The following FRAS1 variants were observed in gnomAD, a reference collection of about 807,000 sequenced individuals.
FRAS1 encodes Fraser extracellular matrix complex subunit 1.
In FRAS1, 290 loss-of-function variants were observed where a neutral mutation model predicts 435.2. That is an observed-to-expected ratio of 0.67 (90% confidence interval 0.61 to 0.73). The LOEUF (loss-of-function observed/expected upper bound fraction) is 0.73. Among genes scored for constraint, FRAS1 ranks in the 30% least tolerant of loss-of-function variants. FRAS1 has a pLI of 0.00. For missense variants in FRAS1, 4,860 were observed against 5,001.5 expected, an observed-to-expected ratio of 0.97 and a Z score of 0.85; for synonymous variants, 1,800 against 1,851.0, an observed-to-expected ratio of 0.97 and a Z score of 0.71.
At chr4:78,522,891 T>G in intron 69 of FRAS1, 83 bp downstream of exon 69, 1 of 1,197,494 alleles carries the variant, frequency 8.4e-7, no homozygotes, top group Non-Finnish European at 1.1e-6. Context: ...AGTGCTTTCC[T>G]CTGAAGGCTA....
chr4:78,260,110 G>C lies in FRAS1; in HGVS notation c.603+4735G>C, dbSNP rs1469300578. On this transcript the variant is annotated intron_variant, in intron 6 of 73. Transcript: ENST00000512123. ...ATGCTGTTTTGGTTACTGTAGCCTTGTAGTATAGTTTGAAGTCAGGTAGTG... is the reference window on the plus strand; with the variant it reads ...ATGCTGTTTTGGTTACTGTAGCCTTCTAGTATAGTTTGAAGTCAGGTAGTG... Among the ~76,000 whole-genome samples, 13 of 152,076 alleles carry C rather than the reference G, an allele frequency of 8.5e-5. No individual in the cohort carries two copies. The South Asian group carries it at 1.7e-3, about 19-fold the overall frequency.
intron 56 of FRAS1, 122 bp downstream of exon 56, chr4:78,479,840 T>A (rs1719958881): frequency 1.4e-6 from 1 of 735,972 alleles, no homozygotes. Context: ...GGGATACCAC[T>A]GTTGGTCTAA....
rs1181599071 is a variant in FRAS1 at position 78,359,990 on chromosome 4, T to A, written c.2423-3523T>A. Among the ~76,000 whole-genome samples the A allele has an allele frequency of 2.6e-5, 4 of 152,310 alleles. 1 individual carries two copies. The East Asian group carries it at 7.7e-4, about 29-fold the overall frequency. On this transcript the variant is annotated intron_variant, in intron 20 of 73. Coordinates refer to ENST00000512123, the MANE Select transcript of FRAS1 (RefSeq NM_025074.7). ...CCAACTCTTCAGACCTTTCCATTGATTTCTGGCATCTGTGTACCCAAATCT... is the reference window on the plus strand; with the variant it reads ...CCAACTCTTCAGACCTTTCCATTGAATTCTGGCATCTGTGTACCCAAATCT...
chr4:78,377,935 A>G (rs1266887496), intron 26 of FRAS1, among the ~76,000 whole-genome samples: 1 of 151,566 alleles, frequency 6.6e-6, no homozygotes, highest in Non-Finnish European at 1.5e-5. Flanking sequence ...TAATTTACAT[A>G]CCATAAAATT....
intron 69 of FRAS1, among the ~76,000 whole-genome samples, chr4:78,524,368 A>G (rs1183783880): frequency 1.3e-5 from 2 of 152,230 alleles, no homozygotes; most frequent in African/African-American, 2.4e-5. Flanking sequence ...TGTGAGAGAT[A>G]CAGGATAATA....
chr4:78,507,381 A>G, intron 61 of FRAS1, 40 bp from the exon 62 acceptor site: 1 of 1,563,464 alleles, frequency 6.4e-7, no homozygotes, highest in Non-Finnish European at 8.7e-7. Flanking sequence ...GTGTTTCCTA[A>G]TGAAGCCTTT....
Position 78,466,252 on chromosome 4 carries a change from C to A in FRAS1, c.7074C>A (p.Gly2358=), listed in dbSNP as rs7660641. ...CCATCGTGCAGCCTCCACGCCATGGCACCATCGAGCGAACCAGCAATGGGC... is the reference window on the plus strand; with the variant it reads ...CCATCGTGCAGCCTCCACGCCATGGAACCATCGAGCGAACCAGCAATGGGC... ...TFTIVQPPRH[G]TIERTSNGQH... is the part of the protein sequence containing the mutation. Residue 2358 remains glycine, a synonymous_variant, in exon 50 of 74, where the codon GGC becomes GGA. Transcript: ENST00000512123. 9 of 1,613,812 alleles carry A rather than the reference C, an allele frequency of 5.6e-6. No individual in the cohort carries two copies. Among genetic ancestry groups the A allele is most frequent in the Non-Finnish European group, 7.6e-6 (9 of 1,179,862 alleles).
intron 18 of FRAS1, among the ~76,000 whole-genome samples, chr4:78,320,101 G>GA (rs1486263798): frequency 6.6e-6 from 1 of 152,324 alleles, no homozygotes; most frequent in East Asian, 1.9e-4. Flanking sequence ...ACATGATGGG[G>GA]AATCCCCTGC....
chr4:78,466,835 G>A (rs766561637), intron 50 of FRAS1, among the ~76,000 whole-genome samples: 36 of 152,106 alleles, frequency 2.4e-4, no homozygotes, highest in Non-Finnish European at 2.5e-4. Flanking sequence ...TTTGGACTAG[G>A]TCCCCTCAGC....
chr4:78,387,266 G>A (rs1732251111), intron 28 of FRAS1, 109 bp from the exon 29 acceptor site: 1 of 807,696 alleles, frequency 1.2e-6, no homozygotes. Context: ...TGCTTTGCTA[G>A]AACACTTAGA....
intron 2 of FRAS1, chr4:78,181,025 C>G (rs1180471395): frequency 2.3e-5 from 37 of 1,593,044 alleles, no homozygotes; most frequent in Non-Finnish European, 3.0e-5. Context: ...CAAAATTGAT[C>G]TCCAGCTGAG....
At position 78,125,265 on chromosome 4, in the gene FRAS1, G is replaced by A. The variant is rs988173960; in HGVS notation, c.108+59249G>A. ...TTATTTACCCAGTAGTCATTCAGGA[G>A]CAGGCTGTTCAATTTCCATGTAATT... On this transcript the variant is annotated intron_variant, in intron 2 of 73. Coordinates refer to ENST00000512123, the MANE Select transcript of FRAS1 (RefSeq NM_025074.7). 4.6e-5 allele frequency among the ~76,000 whole-genome samples: 7 copies of A among 152,306 alleles called. No individual in the cohort carries two copies. In the East Asian group the frequency reaches 5.8e-4, roughly 13 times the overall value.
intron 38 of FRAS1, 98 bp from the exon 39 acceptor site, chr4:78,438,472 A>T: frequency 8.6e-7 from 1 of 1,168,280 alleles, no homozygotes; most frequent in South Asian, 1.4e-5. Flanking sequence ...AGACTTTTCC[A>T]ATTAGCAGAG....
intron 64 of FRAS1, among the ~76,000 whole-genome samples, chr4:78,512,040 T>A (rs1347833013): frequency 6.6e-6 from 1 of 152,226 alleles, no homozygotes. Context: ...GAGTATCTTC[T>A]GCCAGTATAG....
intron 61 of FRAS1, 120 bp downstream of exon 61, chr4:78,500,041 G>T: frequency 2.8e-6 from 2 of 701,942 alleles, no homozygotes; most frequent in Non-Finnish European, 4.3e-6. Context: ...AATAGCTAAA[G>T]CATTTTTAAG....
At chr4:78,520,993 A>G (rs568149087) in intron 67 of FRAS1, among the ~76,000 whole-genome samples, 1 of 151,996 alleles carries the variant, frequency 6.6e-6, no homozygotes, top group East Asian at 1.9e-4. Flanking sequence ...TTCTTTCTGA[A>G]CTCACTGGGG....
intron 1 of FRAS1, among the ~76,000 whole-genome samples, chr4:78,063,547 A>AT (rs1334724638): frequency 6.6e-6 from 1 of 150,922 alleles, no homozygotes; most frequent in African/African-American, 2.4e-5. Flanking sequence ...TAATGATATA[A>AT]TTTTTCAGCA....
chr4:78,537,092 G>C lies in FRAS1; in HGVS notation c.11190G>C (p.Lys3730Asn), dbSNP rs1578380098. ...QLEKVYLCTG[K>N]DGYVPFFDPT... ...AGAAAGTCTATCTTTGTACGGGCAAGGATGGTTATGTGCCTTTCTTTGATC... is the reference window on the plus strand; with the variant it reads ...AGAAAGTCTATCTTTGTACGGGCAACGATGGTTATGTGCCTTTCTTTGATC... The change falls in exon 72 of 74, where the codon AAG becomes AAC. Residue 3730 changes from lysine (K) to asparagine (N), a missense_variant. Coordinates refer to ENST00000512123, the MANE Select transcript of FRAS1 (RefSeq NM_025074.7). 12 of 1,613,994 alleles carry C rather than the reference G, an allele frequency of 7.4e-6. No homozygotes were observed. The East Asian group carries it at 2.5e-4, about 33-fold the overall frequency.
At chr4:78,509,115 T>A (rs1720949097) in intron 63 of FRAS1, 109 bp downstream of exon 63, 1 of 1,201,750 alleles carries the variant, frequency 8.3e-7, no homozygotes, top group Non-Finnish European at 1.2e-6. Context: ...GCATTTGGAA[T>A]AAAACAAATA....
Sources: allele counts gnomAD v4.1 joint callset (sites outside exome capture counted in the v4.1 genomes callset), GRCh38; gene constraint gnomAD v4.1.1; transcripts MANE v1.5; gene names NCBI Gene and HGNC (gene_info 2026-07-23, HGNC 2026-07-21).